Variants in CYTH1 observed in about 807,000 individuals in gnomAD.
The protein encoded by CYTH1 is cytohesin 1.
A neutral mutation model predicts 61.8 loss-of-function variants in CYTH1; 18 were observed. That is an observed-to-expected ratio of 0.29 (90% confidence interval 0.20 to 0.43). The LOEUF is 0.43. Among genes scored for constraint, CYTH1 ranks in the 20% least tolerant of loss-of-function variants. The pLI, the probability that CYTH1 is intolerant of heterozygous loss-of-function variation, is 1.00. For synonymous variants in CYTH1, 174 were observed against 184.3 expected, an observed-to-expected ratio of 0.94 and a Z score of 0.45; for missense variants, 336 against 510.5, an observed-to-expected ratio of 0.66 and a Z score of 3.29.
intron 1 of CYTH1, among the ~76,000 whole-genome samples, chr17:78,761,699 C>A (rs1450317839): frequency 6.6e-6 from 1 of 152,134 alleles, no homozygotes; most frequent in Non-Finnish European, 1.5e-5. Flanking sequence ...GATCACGCCA[C>A]TGCACTCCAG....
intron 10 of CYTH1, among the ~76,000 whole-genome samples, chr17:78,693,391 G>C (rs980943872): frequency 6.6e-6 from 1 of 152,118 alleles, no homozygotes; most frequent in Non-Finnish European, 1.5e-5. Flanking sequence ...GGGAGGTCAA[G>C]GTGGGTGGGT....
intron 1 of CYTH1, among the ~76,000 whole-genome samples, chr17:78,718,455 C>CA (rs1183962191): frequency 6.6e-6 from 1 of 152,188 alleles, no homozygotes; most frequent in Non-Finnish European, 1.5e-5. Context: ...CTCCAACCTC[C>CA]AAAGATACAG....
chr17:78,724,624 A>G (rs2093255376), intron 1 of CYTH1, among the ~76,000 whole-genome samples: 1 of 152,220 alleles, frequency 6.6e-6, no homozygotes, highest in Non-Finnish European at 1.5e-5. Flanking sequence ...CCTGCGGGAC[A>G]AAACTGTCCT....
intron 8 of CYTH1, among the ~76,000 whole-genome samples, 174 bp from the exon 9 acceptor site, chr17:78,698,554 AT>A (rs1341166373): frequency 1.3e-5 from 2 of 152,200 alleles, no homozygotes; most frequent in Non-Finnish European, 2.9e-5. Flanking sequence ...CAGTGACAAA[AT>A]AAATAAGCCT....
intron 1 of CYTH1, among the ~76,000 whole-genome samples, chr17:78,710,205 G>A (rs2093114383): frequency 6.6e-6 from 1 of 152,160 alleles, no homozygotes; most frequent in Admixed American, 6.5e-5. Context: ...GAACAATTTT[G>A]TGCCATCTCT....
At chr17:78,740,692 C>T (rs1226985466) in intron 1 of CYTH1, among the ~76,000 whole-genome samples, 1 of 152,208 alleles carries the variant, frequency 6.6e-6, no homozygotes, top group Non-Finnish European at 1.5e-5. Context: ...TTCACTCACT[C>T]ATAAGTGACC....
intron 1 of CYTH1, among the ~76,000 whole-genome samples, chr17:78,754,258 A>G (rs186090991): frequency 2.0e-5 from 3 of 152,290 alleles, no homozygotes; most frequent in Admixed American, 2.0e-4. Flanking sequence ...TCTTACGCAG[A>G]TTTGCCCACC....
chr17:78,760,227 A>G (rs2093416357), intron 1 of CYTH1, among the ~76,000 whole-genome samples: 2 of 151,386 alleles, frequency 1.3e-5, no homozygotes, highest in South Asian at 4.2e-4. Flanking sequence ...AAAGGTGCCC[A>G]TGTGGAACGG....
chr17:78,687,609 A>G (rs1451851918), intron 11 of CYTH1, among the ~76,000 whole-genome samples: 3 of 152,162 alleles, frequency 2.0e-5, no homozygotes, highest in African/African-American at 7.2e-5. Context: ...CGCTGGGGCA[A>G]AGAAGGCCCT....
chr17:78,692,571 C>G (rs1385251315), intron 10 of CYTH1, 78 bp from the exon 11 acceptor site: 2 of 1,395,306 alleles, frequency 1.4e-6, no homozygotes, highest in Non-Finnish European at 2.0e-6. Flanking sequence ...ACGACACCCT[C>G]TCTTCTCAGA....
chr17:78,782,268 C>T lies in CYTH1; in HGVS notation c.-45G>A, dbSNP rs774224547. 7 of 1,209,990 alleles carry T rather than the reference C, an allele frequency of 5.8e-6. No individual in the cohort carries two copies. In the South Asian group the frequency reaches 1.3e-4, roughly 23 times the overall value. 75.0% of individuals were successfully genotyped at this position (1,209,990 alleles called of 1,614,324 possible). A position where few individuals can be genotyped will look rare whatever the true frequency, so the allele number is the denominator to read the frequency against. Reference sequence around the variant, plus strand: ...GCGCTCCGGCTCGCCGCTCGCGTCCCGCCGCGCCACCCGCGCCCCCGCTCG... The same window carrying T: ...GCGCTCCGGCTCGCCGCTCGCGTCCTGCCGCGCCACCCGCGCCCCCGCTCG... On this transcript the variant is annotated 5_prime_UTR_variant, in exon 1 of 14. Transcript: ENST00000446868.
At chr17:78,723,760 C>T (rs2093249872) in intron 1 of CYTH1, 1 of 152,418 alleles carries the variant, frequency 6.6e-6, no homozygotes, top group Admixed American at 6.5e-5. Context: ...CAACCTTACT[C>T]CAGATGCCCT....
chr17:78,760,530 T>C (rs182326781), intron 1 of CYTH1, among the ~76,000 whole-genome samples: 2,599 of 36,304 alleles, frequency 0.072, 359 homozygotes, highest in Admixed American at 0.2. Context: ...TATATATATA[T>C]ACATACATAT....
rs1278440880 is a variant in CYTH1, at chr17:78,747,505, C to T, written c.22+34697G>A. ...TAGCATGTTCACAAAGTTATGCAAC[C>T]ACCACCACTATCTAATTCTAGAACA... On this transcript the variant is annotated intron_variant, in intron 1 of 13. Coordinates refer to ENST00000446868, the MANE Select transcript of CYTH1 (RefSeq NM_004762.6). Among the ~76,000 whole-genome samples the T allele has an allele frequency of 5.3e-5, 8 of 152,124 alleles. No individual in the cohort carries two copies. The East Asian group carries it at 1.3e-3, about 26-fold the overall frequency.
chr17:78,698,103 C>T (rs944746378), intron 9 of CYTH1, among the ~76,000 whole-genome samples, 166 bp downstream of exon 9: 10 of 152,200 alleles, frequency 6.6e-5, no homozygotes, highest in African/African-American at 2.2e-4. Context: ...GCGTGTGTGT[C>T]CATGAATGTG....
At chr17:78,702,676 CCACTGATTTA>C (rs2093024521) in intron 3 of CYTH1, 72 bp from the exon 4 acceptor site, 24 of 1,474,328 alleles carry the variant, frequency 1.6e-5, no homozygotes, top group Non-Finnish European at 2.2e-5. Flanking sequence ...AATATGATTT[CCACTGATTTA>C]CACAGGTTTT....
At chr17:78,728,297 G>C (rs533724514) in intron 1 of CYTH1, among the ~76,000 whole-genome samples, 1 of 152,290 alleles carries the variant, frequency 6.6e-6, no homozygotes, top group Admixed American at 6.5e-5. Flanking sequence ...TGTAATTCCA[G>C]CACTTTTGGG....
intron 11 of CYTH1, among the ~76,000 whole-genome samples, chr17:78,685,552 T>C (rs1034457669): frequency 2.6e-5 from 4 of 152,248 alleles, no homozygotes; most frequent in South Asian, 2.1e-4. Flanking sequence ...ATTAGTTCCA[T>C]ACTTAAGTAT....
chr17:78,750,781 G>A (rs1251780576), intron 1 of CYTH1, among the ~76,000 whole-genome samples: 3 of 148,258 alleles, frequency 2.0e-5, no homozygotes, highest in Non-Finnish European at 3.0e-5. Context: ...CAGACTGGGC[G>A]AGAGAGCGAG....
Sources: gnomAD v4.1 joint callset for allele counts (sites outside exome capture counted in the v4.1 genomes callset) on GRCh38, gnomAD v4.1.1 for gene constraint, MANE v1.5 for transcripts, NCBI Gene and HGNC (gene_info 2026-07-23, HGNC 2026-07-21) for gene names.